The following MAD1L1 variants were observed in gnomAD, a reference collection of about 807,000 sequenced individuals.
MAD1L1 encodes the protein mitotic arrest deficient 1 like 1.
In MAD1L1, 95 loss-of-function variants were observed where a neutral mutation model predicts 96.9. That is an observed-to-expected ratio of 0.98 (90% CI 0.83 to 1.16). The LOEUF is 1.16. Among genes scored for constraint, MAD1L1 ranks in the 50% most tolerant of loss-of-function variants. The pLI, the probability that MAD1L1 is intolerant of heterozygous loss-of-function variation, is 0.00. For missense variants in MAD1L1, 1,007 were observed against 954.4 expected (o/e 1.06, Z -0.73); for synonymous variants, 473 against 396.6 (o/e 1.19, Z -2.29).
At chr7:1,997,090 T>A (rs1241542767) in intron 14 of MAD1L1, among the ~76,000 whole-genome samples, 3 of 152,212 alleles carry the variant, frequency 2.0e-5, no homozygotes, top group Non-Finnish European at 2.9e-5. Context: ...AAAACATGAA[T>A]TGTACTTATG....
intron 14 of MAD1L1, among the ~76,000 whole-genome samples, chr7:1,984,273 C>T (rs1343708199): frequency 1.3e-5 from 2 of 152,278 alleles, no homozygotes; most frequent in Admixed American, 6.5e-5. Context: ...TCACATCACA[C>T]TGCAATCACA....
chr7:2,164,593 TG>T (rs11335779), intron 10 of MAD1L1, among the ~76,000 whole-genome samples: 48,052 of 79,650 alleles, frequency 0.6, 12,488 homozygotes, highest in Middle Eastern at 0.73. Context: ...GCAGGAAAAA[TG>T]GGGGGGGGGG....
chr7:1,848,171 C>CA (rs1454764041), intron 18 of MAD1L1: 2 of 209,040 alleles, frequency 9.6e-6, no homozygotes, highest in Non-Finnish European at 1.9e-5. Context: ...CAACAACACT[C>CA]ACGCCTGCTG....
chr7:1,888,658 G>A (rs907833748), intron 18 of MAD1L1, among the ~76,000 whole-genome samples: 7 of 151,596 alleles, frequency 4.6e-5, no homozygotes, highest in Admixed American at 1.3e-4. Context: ...GTGCGCGCAT[G>A]TGTGTATGTG....
chr7:2,018,648 C>G (rs1457779887), intron 12 of MAD1L1, among the ~76,000 whole-genome samples: 1 of 152,282 alleles, frequency 6.6e-6, no homozygotes, highest in African/African-American at 2.4e-5. Flanking sequence ...GAGGCCCCTC[C>G]TTAGAGCCCC....
intron 12 of MAD1L1, among the ~76,000 whole-genome samples, chr7:2,054,071 C>A (rs79155377): frequency 6.6e-6 from 1 of 152,238 alleles, no homozygotes; most frequent in Non-Finnish European, 1.5e-5. Context: ...CCAGAGCCCA[C>A]GAGCACTGCT....
At chr7:2,048,711 C>T (rs1784041576) in intron 12 of MAD1L1, among the ~76,000 whole-genome samples, 1 of 152,232 alleles carries the variant, frequency 6.6e-6, no homozygotes, top group African/African-American at 2.4e-5. Flanking sequence ...CAGAAAACCG[C>T]ACTCAGCTGA....
chr7:2,024,001 C>A (rs145335312), intron 12 of MAD1L1, among the ~76,000 whole-genome samples: 330 of 150,160 alleles, frequency 2.2e-3, no homozygotes, highest in South Asian at 6.3e-3. Flanking sequence ...ATAAAAATTA[C>A]AATAAAAAAC....
intron 11 of MAD1L1, among the ~76,000 whole-genome samples, chr7:2,116,826 G>A (rs1787729381): frequency 6.6e-6 from 1 of 152,228 alleles, no homozygotes; most frequent in Non-Finnish European, 1.5e-5. Context: ...GAGGTGGTCT[G>A]CACCCTGCCT....
At chr7:2,122,023 G>A (rs1001451135) in intron 11 of MAD1L1, among the ~76,000 whole-genome samples, 23 of 152,352 alleles carry the variant, frequency 1.5e-4, no homozygotes, top group African/African-American at 5.3e-4. Flanking sequence ...GGTGGGGAGG[G>A]GGAGACTGGA....
chr7:1,952,147 C>T (rs115374855), intron 16 of MAD1L1, among the ~76,000 whole-genome samples: 127 of 152,334 alleles, frequency 8.3e-4, no homozygotes, highest in African/African-American at 2.7e-3. Flanking sequence ...TTAAAACAGA[C>T]GCCCAACTTC....
intron 17 of MAD1L1, among the ~76,000 whole-genome samples, chr7:1,921,955 A>G (rs1788818050): frequency 6.6e-6 from 1 of 152,250 alleles, no homozygotes; most frequent in South Asian, 2.1e-4. Flanking sequence ...TCAAATCACT[A>G]AAGTACTTAC....
At chr7:2,126,665 T>C (rs1325773333) in intron 11 of MAD1L1, among the ~76,000 whole-genome samples, 1 of 152,190 alleles carries the variant, frequency 6.6e-6, no homozygotes, top group Non-Finnish European at 1.5e-5. Context: ...CAGGAGCATC[T>C]CTGGGGACCG....
rs180826586 is a variant in MAD1L1, at chr7:2,116,346, G to C, written c.1073+32806C>G. Among the ~76,000 whole-genome samples the C allele has an allele frequency of 4.5e-3, 683 of 152,348 alleles. 5 individuals carry two copies. The highest frequency in any genetic ancestry group is 0.017 in the South Asian group (81 of 4,828). On this transcript the variant is annotated intron_variant, in intron 11 of 18. Coordinates refer to ENST00000265854, the MANE Select transcript of MAD1L1 (RefSeq NM_001013836.2). ...CATATTCCTGAAGCACCTAAAGTGG[G>C]CTGCACACAGCAGGTGTTGAACAAA...
In MAD1L1 at chr7:2,002,107, C is replaced by T; in HGVS notation, c.1374G>A (p.Gln458=). 1 of 1,613,200 alleles carries T rather than the reference C, an allele frequency of 6.2e-7. No homozygotes were observed. The highest frequency in any genetic ancestry group is 8.5e-7 in the Non-Finnish European group (1 of 1,180,020). Reference sequence around the variant, plus strand: ...TCTGGCCTCCCAGCTCCTCCAGGGCCTGCGACAGCTGAGCCTGCAAGACAA... The same window carrying T: ...TCTGGCCTCCCAGCTCCTCCAGGGCTTGCGACAGCTGAGCCTGCAAGACAA... The part of the protein sequence containing the change: ...HSAEMEAQLS[Q]ALEELGGQKQ... The change falls in exon 14 of 19, where the codon CAG becomes CAA. Residue 458 remains glutamine (Q), a synonymous_variant. Transcript: ENST00000265854.
intron 18 of MAD1L1, among the ~76,000 whole-genome samples, chr7:1,851,246 C>G (rs1783960653): frequency 6.6e-6 from 1 of 152,104 alleles, no homozygotes; most frequent in Non-Finnish European, 1.5e-5. Flanking sequence ...GTGGGGGTGA[C>G]CCACGCCCAG....
chr7:2,080,179 GA>G (rs1169030706), intron 11 of MAD1L1, among the ~76,000 whole-genome samples: 1 of 152,244 alleles, frequency 6.6e-6, no homozygotes, highest in Non-Finnish European at 1.5e-5. Flanking sequence ...TGGTTGTAAG[GA>G]AAGTTTTCCT....
At chr7:2,020,476 C>G (rs1013858494) in intron 12 of MAD1L1, among the ~76,000 whole-genome samples, 1 of 152,218 alleles carries the variant, frequency 6.6e-6, no homozygotes, top group Non-Finnish European at 1.5e-5. Context: ...GCTGTGAGAC[C>G]GAGCCGCAGG....
chr7:2,060,413 T>TGATGCTGAGATACGCC (rs1326364717), intron 12 of MAD1L1, among the ~76,000 whole-genome samples: 3 of 146,816 alleles, frequency 2.0e-5, no homozygotes, highest in Non-Finnish European at 3.0e-5. Flanking sequence ...TGAGATACAC[T>TGATGCTGAGATACGCC]GATGCTGAGA....
Sources: allele counts gnomAD v4.1 joint callset (sites outside exome capture counted in the v4.1 genomes callset), GRCh38; gene constraint gnomAD v4.1.1; transcripts MANE v1.5; gene names NCBI Gene and HGNC (gene_info 2026-07-23, HGNC 2026-07-21).